TUBB6: variants seen among roughly 807,000 people sequenced by gnomAD.
The protein encoded by TUBB6 is tubulin beta 6 class V.
A neutral mutation model predicts 32.3 loss-of-function variants in TUBB6; 18 were observed. The ratio of observed to expected loss-of-function variants is 0.56; its 90% confidence interval spans 0.39 to 0.83. The LOEUF (loss-of-function observed/expected upper bound fraction) is 0.83. Among genes scored for constraint, TUBB6 ranks in the 40% least tolerant of loss-of-function variants. The pLI is 0.00. For synonymous variants in TUBB6, 280 were observed against 265.8 expected (o/e 1.05, Z -0.52); for missense variants, 480 against 632.0 (o/e 0.76, Z 2.58).
intron 3 of TUBB6, 56 bp from the exon 4 acceptor site, chr18:12,325,011 A>G: frequency 6.6e-7 from 1 of 1,524,660 alleles, no homozygotes; most frequent in Non-Finnish European, 8.8e-7. Flanking sequence ...GTGACCAAGC[A>G]TGGTGATGGC....
chr18:12,322,437 C>T (rs1487817475), intron 3 of TUBB6, among the ~76,000 whole-genome samples: 1 of 151,840 alleles, frequency 6.6e-6, no homozygotes, highest in African/African-American at 2.4e-5. Context: ...TCACTGCAAC[C>T]TCCATCTTCT....
chr18:12,315,688 C>T (rs1393669975), intron 3 of TUBB6, among the ~76,000 whole-genome samples: 2 of 152,168 alleles, frequency 1.3e-5, no homozygotes, highest in African/African-American at 4.8e-5. Context: ...GAAGGCAGGA[C>T]ATTAAAATGC....
intron 3 of TUBB6, among the ~76,000 whole-genome samples, chr18:12,319,952 A>G (rs541511091): frequency 1.1e-3 from 166 of 151,930 alleles, no homozygotes; most frequent in African/African-American, 3.8e-3. Context: ...ATGCCATGCT[A>G]ATTTTTTTTA....
At chr18:12,324,923 G>A (rs558322520) in intron 3 of TUBB6, 144 bp from the exon 4 acceptor site, 17 of 1,488,504 alleles carry the variant, frequency 1.1e-5, no homozygotes, top group East Asian at 2.3e-5. Flanking sequence ...CAGCTGCACC[G>A]TTGGTGGGTG....
intron 3 of TUBB6, among the ~76,000 whole-genome samples, chr18:12,315,398 G>A (rs988070849): frequency 2.6e-5 from 4 of 152,234 alleles, no homozygotes; most frequent in Non-Finnish European, 5.9e-5. Context: ...AGAGTGAAGA[G>A]ATTTAAGCCC....
downstream of TUBB6, chr18:12,329,197 AAG>A: frequency 4.3e-6 from 3 of 702,988 alleles, no homozygotes; most frequent in South Asian, 3.0e-5. Flanking sequence ...GTGGGCGACA[AAG>A]AGAAAGCATC....
rs1295983968 is a variant in TUBB6, at chr18:12,326,190, G to A, written c.*60G>A. On this transcript the variant is annotated 3_prime_UTR_variant, in exon 4 of 4. Transcript: ENST00000317702. ...CACGCAAGTTCCTTCTTGAACCCTGGTGCCTCCTACCCTATGGCCCTGAAT... is the reference window on the plus strand; with the variant it reads ...CACGCAAGTTCCTTCTTGAACCCTGATGCCTCCTACCCTATGGCCCTGAAT... The A allele has an allele frequency of 1.7e-5, 27 of 1,558,872 alleles. No individual in the cohort carries two copies. The highest frequency in any genetic ancestry group is 2.3e-5 in the Non-Finnish European group (26 of 1,152,104).
intron 3 of TUBB6, among the ~76,000 whole-genome samples, chr18:12,322,381 G>A (rs1907037339): frequency 6.7e-6 from 1 of 150,230 alleles, no homozygotes; most frequent in Non-Finnish European, 1.5e-5. Flanking sequence ...TTGAGACAGG[G>A]TCTTGCTCTG....
At position 12,308,282 on chromosome 18, in the gene TUBB6, C is replaced by A; in HGVS notation, c.-11C>A. On this transcript the variant is annotated 5_prime_UTR_variant, in exon 1 of 4. Coordinates refer to ENST00000317702, the MANE Select transcript of TUBB6 (RefSeq NM_032525.3). ...CGCAGAGCCAGTTCCTAGCGCAGAG[C>A]CGCGCCCGCCATGAGGGAGATCGTG... The A allele has an allele frequency of 6.9e-7, 1 of 1,442,666 alleles. No individual in the cohort carries two copies. The highest frequency in any genetic ancestry group is 9.2e-7 in the Non-Finnish European group (1 of 1,092,734). The allele number at this position is 1,442,666 out of a possible 1,614,324, so 89.4% of individuals were successfully genotyped here.
At chr18:12,308,212 CG>C, upstream of TUBB6, 1 of 1,056,682 alleles carries the variant, frequency 9.5e-7, no homozygotes, top group Non-Finnish European at 1.2e-6. Context: ...CGCGGAGGGT[CG>C]GCCCCGGGAC....
chr18:12,322,318 TAAAC>T (rs1326137320), intron 3 of TUBB6, among the ~76,000 whole-genome samples: 1 of 150,466 alleles, frequency 6.6e-6, no homozygotes, highest in Admixed American at 6.7e-5. Flanking sequence ...AATAAATAAA[TAAAC>T]AAAATTGAGT....
chr18:12,309,606 C>T (rs778430226), intron 2 of TUBB6, among the ~76,000 whole-genome samples: 10 of 152,098 alleles, frequency 6.6e-5, no homozygotes, highest in Admixed American at 1.3e-4. Flanking sequence ...CTGGGAACAT[C>T]AGGGCATGGA....
In TUBB6 at chr18:12,325,257, T is replaced by C; in HGVS notation, c.468T>C (p.Arg156=). ...GCACGCTGCTCATCAGCAAGATCCG[T>C]GAGGAGTTCCCGGACCGCATCATGA... ...GMGTLLISKI[R]EEFPDRIMNT... is the part of the protein sequence containing the mutation. The change falls in exon 4 of 4, where the codon CGT becomes CGC. Residue 156 remains arginine (R), a synonymous_variant. Transcript: ENST00000317702. 6.2e-7 allele frequency: 1 copy of C among 1,614,118 alleles called. No homozygotes were observed. Among genetic ancestry groups the C allele is most frequent in the Non-Finnish European group, 8.5e-7 (1 of 1,180,008 alleles).
chr18:12,328,098 G>T (rs1907396004), downstream of TUBB6, among the ~76,000 whole-genome samples: 1 of 152,258 alleles, frequency 6.6e-6, no homozygotes, highest in Admixed American at 6.5e-5. Flanking sequence ...GGGGGCGCCT[G>T]TTCTCCTGGC....
In TUBB6 at chr18:12,325,235, C is replaced by T. The variant is rs1182454519; in HGVS notation, c.446C>T (p.Thr149Met). The T allele has an allele frequency of 2.5e-6, 4 of 1,614,190 alleles. No individual in the cohort carries two copies. The highest frequency in any genetic ancestry group is 3.4e-6 in the Non-Finnish European group (4 of 1,180,030). Residue 149 changes from threonine (T) to methionine (M), a missense_variant, in exon 4 of 4, where the codon ACG (threonine) becomes ATG (methionine). Coordinates refer to ENST00000317702, the MANE Select transcript of TUBB6 (RefSeq NM_032525.3). ...LGGGTGSGMG[T>M]LLISKIREEF... ...GGCGGCACGGGCTCAGGCATGGGCA[C>T]GCTGCTCATCAGCAAGATCCGTGAG...
chr18:12,312,837 T>C (rs972724413), intron 3 of TUBB6, among the ~76,000 whole-genome samples: 1 of 151,756 alleles, frequency 6.6e-6, no homozygotes, highest in Admixed American at 6.6e-5. Flanking sequence ...CCATCTCTAC[T>C]AAAAATACAA....
chr18:12,317,415 C>T (rs557992335), intron 3 of TUBB6, among the ~76,000 whole-genome samples: 4 of 152,080 alleles, frequency 2.6e-5, no homozygotes, highest in African/African-American at 4.8e-5. Context: ...CTGCAGTGAG[C>T]GGTGTTTGCG....
At chr18:12,324,823 C>T in intron 3 of TUBB6, 2 of 1,329,852 alleles carry the variant, frequency 1.5e-6, no homozygotes, top group Non-Finnish European at 1.9e-6. Flanking sequence ...ACCTCTTTAA[C>T]ATGGAACAAC....
chr18:12,325,929 C>G lies in TUBB6; in HGVS notation c.1140C>G (p.Arg380=). The part of the protein sequence containing the change: ...NSTAIQELFK[R]ISEQFSAMFR... ...CGGCCATCCAGGAGCTGTTCAAGCGCATCTCCGAGCAGTTCTCAGCCATGT... is the reference window on the plus strand; with the variant it reads ...CGGCCATCCAGGAGCTGTTCAAGCGGATCTCCGAGCAGTTCTCAGCCATGT... The change falls in exon 4 of 4, where the codon CGC becomes CGG. Residue 380 remains arginine (R), a synonymous_variant. Transcript: ENST00000317702. The G allele has an allele frequency of 6.2e-7, 1 of 1,614,070 alleles. No homozygotes were observed. The highest frequency in any genetic ancestry group is 1.1e-5 in the South Asian group (1 of 91,082).
Sources: allele counts gnomAD v4.1 joint callset (sites outside exome capture counted in the v4.1 genomes callset), GRCh38; gene constraint gnomAD v4.1.1; transcripts MANE v1.5; gene names NCBI Gene and HGNC (gene_info 2026-07-23, HGNC 2026-07-21).